The following CHM variants were observed in gnomAD, a reference collection of about 807,000 sequenced individuals.
CHM encodes the protein CHM Rab escort protein.
CHM carries 10 observed loss-of-function variants against 49.0 expected under a neutral mutation model. That is an observed-to-expected ratio of 0.20 (90% CI 0.13 to 0.35). The LOEUF is 0.35. CHM is among the 10% of genes least tolerant of loss of function. The probability of loss-of-function intolerance (pLI) is 1.00; values close to 1 mark genes in which losing one functional copy is unlikely to be tolerated. For missense variants in CHM, 455 were observed against 478.4 expected (o/e 0.95, Z 0.46); for synonymous variants, 184 against 167.5 (o/e 1.10, Z -0.76).
chrX:85,925,880 A>G (rs995625992), intron 8 of CHM, among the ~76,000 whole-genome samples: 16 of 111,475 alleles, frequency 1.4e-4, no homozygotes, highest in African/African-American at 3.9e-4. Flanking sequence ...GGAGCCCTAC[A>G]TAACAACTCC....
chrX:85,992,957 C>A (rs12010702), intron 2 of CHM, among the ~76,000 whole-genome samples: 4,457 of 111,640 alleles, frequency 0.04, 231 homozygotes, highest in African/African-American at 0.14. Context: ...CGTTTATAGA[C>A]AACCAAGGCA....
In CHM at chrX:85,862,737, T is replaced by C. The variant is rs1923431304; in HGVS notation, c.*1893A>G. On this transcript the variant is annotated 3_prime_UTR_variant, in exon 15 of 15. Coordinates refer to ENST00000357749, the MANE Select transcript of CHM (RefSeq NM_000390.4). Reference sequence around the variant, plus strand: ...TGGCTTGAACTATATCTGCAGTGGGTAGAAAGGTGAGGCAAGAGCTATATT... The same window carrying C: ...TGGCTTGAACTATATCTGCAGTGGGCAGAAAGGTGAGGCAAGAGCTATATT... 9.0e-6 allele frequency: 1 copy of C among 111,151 alleles called. No individual in the cohort carries two copies. Among genetic ancestry groups the C allele is most frequent in the Non-Finnish European group, 1.9e-5 (1 of 52,988 alleles). 9.2% of individuals were successfully genotyped at this position (111,151 alleles called of 1,213,427 possible).
chrX:85,920,902 A>G (rs1927757197), intron 8 of CHM, among the ~76,000 whole-genome samples: 1 of 112,220 alleles, frequency 8.9e-6, no homozygotes, highest in South Asian at 3.7e-4. Context: ...TGAATTGCAA[A>G]AATTATTACA....
intron 3 of CHM, among the ~76,000 whole-genome samples, chrX:85,980,775 A>C (rs1293586914): frequency 9.0e-6 from 1 of 111,219 alleles, no homozygotes; most frequent in African/African-American, 3.3e-5. Context: ...GGCAAGCTCC[A>C]TAACTGACTC....
At chrX:85,901,239 T>C in intron 9 of CHM, 51 bp from the exon 10 acceptor site, 1 of 789,223 alleles carries the variant, frequency 1.3e-6, no homozygotes. Context: ...GATTAAATAA[T>C]TGAGAAAATG....
intron 14 of CHM, among the ~76,000 whole-genome samples, chrX:85,866,089 G>C (rs1025558807): frequency 2.7e-5 from 3 of 112,786 alleles, no homozygotes; most frequent in African/African-American, 9.7e-5. Flanking sequence ...ATTTGCATGA[G>C]CAATGATGAG....
At chrX:85,866,682 A>G (rs1569390017) in intron 14 of CHM, among the ~76,000 whole-genome samples, 1 of 113,101 alleles carries the variant, frequency 8.8e-6, no homozygotes, top group Non-Finnish European at 1.9e-5. Flanking sequence ...TCCCCTGCAG[A>G]GCCACAGGGT....
intron 12 of CHM, among the ~76,000 whole-genome samples, chrX:85,891,340 C>A (rs1311545558): frequency 8.9e-6 from 1 of 111,985 alleles, no homozygotes; most frequent in Non-Finnish European, 1.9e-5. Flanking sequence ...ACGTCAGAGA[C>A]CTTCACTGCA....
intron 8 of CHM, among the ~76,000 whole-genome samples, chrX:85,943,356 C>T (rs1364359978): frequency 8.9e-6 from 1 of 111,929 alleles, no homozygotes; most frequent in Non-Finnish European, 1.9e-5. Context: ...CTATTCTAAC[C>T]GCTACTGGGC....
intron 11 of CHM, among the ~76,000 whole-genome samples, chrX:85,898,600 T>C (rs1291391508): frequency 8.9e-6 from 1 of 112,446 alleles, no homozygotes; most frequent in Non-Finnish European, 1.9e-5. Flanking sequence ...CCAAGAGTTA[T>C]CTCTATTTGC....
intron 2 of CHM, among the ~76,000 whole-genome samples, chrX:85,990,034 C>T (rs1204536624): frequency 8.9e-6 from 1 of 112,141 alleles, no homozygotes; most frequent in Non-Finnish European, 1.9e-5. Context: ...AAGACACATG[C>T]ATGCAAATGT....
At chrX:85,972,814 C>T (rs748448280) in intron 4 of CHM, among the ~76,000 whole-genome samples, 5 of 112,358 alleles carry the variant, frequency 4.5e-5, no homozygotes, top group African/African-American at 9.7e-5. Context: ...CACAGTGCAG[C>T]GGCGGGCCGA....
intron 2 of CHM, among the ~76,000 whole-genome samples, chrX:86,002,240 G>C (rs1034898370): frequency 1.8e-5 from 2 of 111,948 alleles, no homozygotes; most frequent in Non-Finnish European, 3.8e-5. Context: ...TGCTAACAAA[G>C]AAAACCCTAG....
At chrX:86,024,959 C>CT (rs1933744221) in intron 2 of CHM, among the ~76,000 whole-genome samples, 1 of 110,769 alleles carries the variant, frequency 9.0e-6, no homozygotes, top group African/African-American at 3.3e-5. Flanking sequence ...TGTTAAGGTG[C>CT]CTGTGGAACA....
chrX:85,915,754 C>T (rs898627879), intron 8 of CHM, among the ~76,000 whole-genome samples: 3 of 111,896 alleles, frequency 2.7e-5, no homozygotes, highest in African/African-American at 9.8e-5. Context: ...GGTGAAAGAT[C>T]TCTCCAAGGA....
At chrX:85,986,090 G>A (rs1022219676) in intron 2 of CHM, among the ~76,000 whole-genome samples, 15 of 110,954 alleles carry the variant, frequency 1.4e-4, no homozygotes, top group African/African-American at 4.9e-4. Context: ...GTAGTCAACA[G>A]AAAAAGGGGT....
intron 2 of CHM, among the ~76,000 whole-genome samples, chrX:86,003,198 G>A (rs1382648659): frequency 1.8e-5 from 2 of 112,222 alleles, no homozygotes; most frequent in African/African-American, 3.2e-5. Flanking sequence ...CTGACAAACA[G>A]AAAGGAATAG....
intron 2 of CHM, among the ~76,000 whole-genome samples, chrX:85,985,267 A>G (rs750159800): frequency 8.9e-6 from 1 of 112,378 alleles, no homozygotes; most frequent in Admixed American, 9.4e-5. Context: ...CAGTCCCCCA[A>G]GCCCAGCACA....
At chrX:85,875,877 T>A (rs923757964) in intron 13 of CHM, among the ~76,000 whole-genome samples, 3 of 111,513 alleles carry the variant, frequency 2.7e-5, no homozygotes, top group Admixed American at 9.6e-5. Flanking sequence ...GACACAAAAA[T>A]CAGTAGGATT....
Sources: gnomAD v4.1 joint callset for allele counts (sites outside exome capture counted in the v4.1 genomes callset) on GRCh38, gnomAD v4.1.1 for gene constraint, MANE v1.5 for transcripts, NCBI Gene and HGNC (gene_info 2026-07-23, HGNC 2026-07-21) for gene names.